The following BLOC1S3 variants were observed in gnomAD, a reference collection of about 807,000 sequenced individuals.
BLOC1S3 encodes biogenesis of lysosome-related organelles complex 1 subunit 3.
In BLOC1S3, 7 loss-of-function variants were observed where a neutral mutation model predicts 9.1. The observed-to-expected ratio is 0.77, with a 90% CI of 0.44 to 1.45. The LOEUF is 1.45. Among genes scored for constraint, BLOC1S3 ranks in the 40% most tolerant of loss-of-function variants. BLOC1S3 has a pLI of 0.01. For missense variants in BLOC1S3, 307 were observed against 315.2 expected, an observed-to-expected ratio of 0.97 and a Z score of 0.20; for synonymous variants, 145 against 158.4, an observed-to-expected ratio of 0.92 and a Z score of 0.64.
downstream of BLOC1S3, among the ~76,000 whole-genome samples, chr19:45,182,525 G>T (rs1033096102): frequency 3.3e-5 from 5 of 152,178 alleles, no homozygotes; most frequent in African/African-American, 9.6e-5. Context: ...TTAGCCAGGC[G>T]TGGTGGCACA....
chr19:45,198,374 C>T (rs1048386932), intron 2 of BLOC1S3, among the ~76,000 whole-genome samples: 10 of 152,190 alleles, frequency 6.6e-5, no homozygotes, highest in Admixed American at 4.6e-4. Context: ...TCACTGCAAC[C>T]TCCGCCTCCC....
intron 2 of BLOC1S3, among the ~76,000 whole-genome samples, chr19:45,188,147 C>T (rs1330276924): frequency 9.9e-5 from 15 of 152,048 alleles, no homozygotes; most frequent in Admixed American, 5.2e-4. Flanking sequence ...CTCGGCCTCC[C>T]GAGTAGCTGG....
intron 2 of BLOC1S3, among the ~76,000 whole-genome samples, chr19:45,198,592 C>T (rs1390289518): frequency 2.0e-5 from 3 of 152,248 alleles, no homozygotes; most frequent in Non-Finnish European, 4.4e-5. Flanking sequence ...CCGCACCCAG[C>T]CAACTTCATC....
chr19:45,196,724 CTACTAAAAA>C (rs1463811410), intron 2 of BLOC1S3, among the ~76,000 whole-genome samples: 1 of 151,688 alleles, frequency 6.6e-6, no homozygotes, highest in Non-Finnish European at 1.5e-5. Flanking sequence ...AACCCTGTCT[CTACTAAAAA>C]TACTAAAAAT....
At chr19:45,205,334 T>C (rs1969719030) in intron 3 of BLOC1S3, among the ~76,000 whole-genome samples, 1 of 152,040 alleles carries the variant, frequency 6.6e-6, no homozygotes, top group South Asian at 2.1e-4. Context: ...CCCGGCTAAT[T>C]TTTTGTATTT....
intron 2 of BLOC1S3, among the ~76,000 whole-genome samples, chr19:45,188,278 C>T (rs1002194173): frequency 7.9e-5 from 12 of 152,326 alleles, no homozygotes; most frequent in African/African-American, 2.9e-4. Flanking sequence ...CTGCCTCAGC[C>T]TCCCAGAGTG....
downstream of BLOC1S3, among the ~76,000 whole-genome samples, chr19:45,183,801 A>AT (rs931907812): frequency 3.9e-3 from 568 of 146,286 alleles, 4 homozygotes; most frequent in African/African-American, 0.014. Flanking sequence ...TAGTTTTTCT[A>AT]TTTTTTTTTC....
intron 3 of BLOC1S3, among the ~76,000 whole-genome samples, chr19:45,214,564 A>G (rs1041679498): frequency 6.6e-6 from 1 of 152,080 alleles, no homozygotes; most frequent in Non-Finnish European, 1.5e-5. Context: ...TCCTGGGCTC[A>G]AGCAATTCTC....
intron 2 of BLOC1S3, among the ~76,000 whole-genome samples, chr19:45,189,596 C>CT (rs71338753): frequency 0.041 from 4,790 of 115,842 alleles, 161 homozygotes; most frequent in African/African-American, 0.092. Context: ...CCAAGCCTGG[C>CT]TTTTTTTTTT....
At chr19:45,209,879 G>A (rs1318211811) in intron 3 of BLOC1S3, among the ~76,000 whole-genome samples, 1 of 151,414 alleles carries the variant, frequency 6.6e-6, no homozygotes, top group Non-Finnish European at 1.5e-5. Flanking sequence ...TTATAGGCAT[G>A]CGCCACCACG....
chr19:45,215,963 C>T (rs955067051), intron 3 of BLOC1S3: 12 of 1,476,156 alleles, frequency 8.1e-6, no homozygotes, highest in Middle Eastern at 1.9e-4. Context: ...CCGTCAGACA[C>T]GCTCACCGGC....
At chr19:45,197,988 G>A (rs1366739845) in intron 2 of BLOC1S3, among the ~76,000 whole-genome samples, 1 of 152,110 alleles carries the variant, frequency 6.6e-6, no homozygotes, top group Non-Finnish European at 1.5e-5. Flanking sequence ...ATGGAAGGCT[G>A]TTGCCTCTGC....
intron 3 of BLOC1S3, among the ~76,000 whole-genome samples, chr19:45,202,958 T>C (rs1023621903): frequency 2.0e-5 from 3 of 152,070 alleles, no homozygotes; most frequent in African/African-American, 7.2e-5. Flanking sequence ...AGTTAGGGCC[T>C]GGAATGGGGG....
At position 45,179,779 on chromosome 19, in the gene BLOC1S3, C is replaced by A. The variant is rs1219427805; in HGVS notation, c.483C>A (p.Arg161=). ...AAGLAAAHSV[R]LARGDLCALA... ...GGCTGGCGGCGGCCCACAGCGTGCG[C>A]CTGGCGCGCGGGGACCTTTGTGCGC... The change falls in exon 2 of 2, where the codon CGC becomes CGA. Residue 161 remains arginine (R), a synonymous_variant. Transcript: ENST00000433642. This position sits in a 1 kb window ranked among gnomAD's most constrained non-coding sequence, Gnocchi z 4.6. The A allele has an allele frequency of 6.4e-7, 1 of 1,557,638 alleles. No individual in the cohort carries two copies. The highest frequency in any genetic ancestry group is 1.9e-5 in the Admixed American group (1 of 53,116).
rs577941628 is a variant in BLOC1S3, at chr19:45,206,871, CTT to C, written n.282+4365_282+4366del. On this transcript the variant is annotated intron_variant and non_coding_transcript_variant, in intron 3 of 3. Coordinates refer to the BLOC1S3 transcript ENST00000591569. ...TATTTATTTATTTGAGAGTTTCACT[CTT>C]GTCACCCAAGCTGGAGAGCAGTGGC... Among the ~76,000 whole-genome samples, 24 of 152,130 alleles carry C rather than the reference CTT, an allele frequency of 1.6e-4. 1 individual carries two copies. The South Asian group carries it at 4.6e-3, about 29-fold the overall frequency.
At chr19:45,210,983 G>A (rs1157981499) in intron 3 of BLOC1S3, among the ~76,000 whole-genome samples, 3 of 152,142 alleles carry the variant, frequency 2.0e-5, no homozygotes, top group East Asian at 1.9e-4. Flanking sequence ...GTGCTGGCAC[G>A]AGCCTGTAGT....
chr19:45,210,289 C>CTTTTTTTTTT (rs71173125), intron 3 of BLOC1S3, among the ~76,000 whole-genome samples: 2 of 74,422 alleles, frequency 2.7e-5, no homozygotes, highest in Non-Finnish European at 2.6e-5. Context: ...ACTATTTTAA[C>CTTTTTTTTTT]TTTTTTTTTT....
At chr19:45,197,259 G>T (rs968233809) in intron 2 of BLOC1S3, among the ~76,000 whole-genome samples, 1 of 152,046 alleles carries the variant, frequency 6.6e-6, no homozygotes, top group East Asian at 1.9e-4. Context: ...ACCAAGGTGG[G>T]AAGATTTGCT....
intron 2 of BLOC1S3, among the ~76,000 whole-genome samples, chr19:45,190,621 C>T (rs952651337): frequency 1.3e-4 from 20 of 150,944 alleles, no homozygotes; most frequent in Non-Finnish European, 2.2e-4. Context: ...AGGCTGGTCT[C>T]GAACTCTTGA....
Sources: allele counts gnomAD v4.1 joint callset (sites outside exome capture counted in the v4.1 genomes callset), GRCh38; gene constraint gnomAD v4.1.1; non-coding constraint Gnocchi (gnomAD v3.1); transcripts MANE v1.5; gene names NCBI Gene and HGNC (gene_info 2026-07-23, HGNC 2026-07-21).